RANBP2: variants seen among roughly 807,000 people sequenced by gnomAD.
RANBP2 encodes RAN binding protein 2, also known as E3 SUMO-protein ligase RanBP2.
A neutral mutation model predicts 303.6 loss-of-function variants in RANBP2; 57 were observed. That is an observed-to-expected ratio of 0.19 (90% CI 0.15 to 0.23). RANBP2 has a LOEUF of 0.23. Among genes scored for constraint, RANBP2 ranks in the 10% least tolerant of loss-of-function variants. The pLI is 1.00. For missense variants in RANBP2, 3,138 were observed against 3,780.8 expected (o/e 0.83, Z 4.46); for synonymous variants, 1,167 against 1,301.5 (o/e 0.90, Z 2.23).
chr2:108,782,386 G>A lies in RANBP2; in HGVS notation c.9019G>A (p.Ala3007Thr). Residue 3007 changes from alanine to threonine, a missense_variant, in exon 27 of 29, where the codon GCC becomes ACC. Around this residue, in one of 20 missense-constraint regions of RANBP2, gnomAD observed 204 missense variants for 228.4 expected, o/e 0.89. Transcript: ENST00000283195. ...NVSNNALVWTASDYADGEAKV... is the reference protein window; with the variant it reads ...NVSNNALVWTTSDYADGEAKV... ...TTCAAATAATGCTTTAGTTTGGACT[G>A]CCTCAGATTATGCTGGTGAGTTTTT... 1 of 1,613,950 alleles carries A rather than the reference G, an allele frequency of 6.2e-7. No individual in the cohort carries two copies. Among genetic ancestry groups the A allele is most frequent in the Non-Finnish European group, 8.5e-7 (1 of 1,180,020 alleles).
Position 108,753,011 on chromosome 2 carries a change from A to G in RANBP2, c.1769A>G (p.Asn590Ser), listed in dbSNP as rs1676025870. ...ECLQKTGSGL[N>S]SFYDQREYIG... ...TTTCTTTTTTAGGGCAGCGGTCTTAATTCTTTTTATGATCAACGAGAATAC... is the reference window on the plus strand; with the variant it reads ...TTTCTTTTTTAGGGCAGCGGTCTTAGTTCTTTTTATGATCAACGAGAATAC... The change falls in exon 13 of 29, where the codon AAT becomes AGT. Residue 590 changes from asparagine to serine, a missense_variant. Asn to Ser is a conservative substitution (Grantham distance 46). This residue lies in a region of RANBP2 where 162 missense variants were observed against 286.9 expected (regional missense o/e 0.56). Coordinates refer to ENST00000283195, the MANE Select transcript of RANBP2 (RefSeq NM_006267.5). The G allele has an allele frequency of 6.2e-7, 1 of 1,609,122 alleles. No individual in the cohort carries two copies. Among genetic ancestry groups the G allele is most frequent in the Non-Finnish European group, 8.5e-7 (1 of 1,178,914 alleles).
At chr2:108,871,552 CA>C in the RANBP2 span, among the ~76,000 whole-genome samples, 1 of 151,040 alleles carries the variant, frequency 6.6e-6, no homozygotes, top group Non-Finnish European at 1.5e-5. Flanking sequence ...ACTTTAGCTC[CA>C]AAAAAAATAA....
chr2:109,656,591 C>T, the RANBP2 span, among the ~76,000 whole-genome samples: 230 of 152,298 alleles, frequency 1.5e-3, 3 homozygotes, highest in Non-Finnish European at 4.7e-4. Flanking sequence ...CCACCCTCCT[C>T]GGCCTCCCAA....
the RANBP2 span, among the ~76,000 whole-genome samples, chr2:108,853,967 A>T: frequency 7.1e-5 from 8 of 112,892 alleles, no homozygotes; most frequent in South Asian, 1.2e-3. Flanking sequence ...TATATAATAA[A>T]ATATATATAA....
At chr2:109,335,203 T>C in the RANBP2 span, among the ~76,000 whole-genome samples, 1 of 152,256 alleles carries the variant, frequency 6.6e-6, no homozygotes, top group South Asian at 2.1e-4. Flanking sequence ...TTCCGAGGCC[T>C]ACGCACCTCA....
At chr2:109,318,272 C>T in the RANBP2 span, among the ~76,000 whole-genome samples, 4 of 152,016 alleles carry the variant, frequency 2.6e-5, no homozygotes, top group African/African-American at 9.7e-5. Context: ...CCCAGATGTT[C>T]GGGAGCATTT....
At chr2:109,233,500 G>A in the RANBP2 span, among the ~76,000 whole-genome samples, 1 of 152,224 alleles carries the variant, frequency 6.6e-6, no homozygotes, top group Non-Finnish European at 1.5e-5. Flanking sequence ...ATAGGTACAG[G>A]ATGGGGGTGT....
At chr2:109,666,306 CT>C in the RANBP2 span, among the ~76,000 whole-genome samples, 4 of 151,964 alleles carry the variant, frequency 2.6e-5, no homozygotes, top group Non-Finnish European at 5.9e-5. Flanking sequence ...TGTGGTGCCA[CT>C]TTTTTTGTGA....
At chr2:109,420,691 C>T in the RANBP2 span, among the ~76,000 whole-genome samples, 7 of 152,134 alleles carry the variant, frequency 4.6e-5, no homozygotes, top group Admixed American at 2.6e-4. Flanking sequence ...GTGATCCGCC[C>T]GCCTTGGCCT....
At chr2:108,820,083 A>T in the RANBP2 span, among the ~76,000 whole-genome samples, 20 of 152,212 alleles carry the variant, frequency 1.3e-4, no homozygotes, top group Non-Finnish European at 2.5e-4. Flanking sequence ...TACGCAGAAG[A>T]CATCAACACA....
chr2:109,613,999 G>C, the RANBP2 span: 2 of 1,201,442 alleles, frequency 1.7e-6, no homozygotes, highest in African/African-American at 3.2e-5. Context: ...GGCCTCCGGG[G>C]GCGGGGTTGG....
the RANBP2 span, among the ~76,000 whole-genome samples, chr2:109,220,298 A>G: frequency 6.6e-6 from 1 of 152,246 alleles, no homozygotes; most frequent in South Asian, 2.1e-4. Context: ...AGATCTCAAC[A>G]TAAGAGCTAA....
At chr2:109,474,961 TG>T in the RANBP2 span, among the ~76,000 whole-genome samples, 175 of 152,132 alleles carry the variant, frequency 1.2e-3, no homozygotes, top group East Asian at 4.7e-3. Flanking sequence ...TTGTTTTGTT[TG>T]GGTTTTTTTT....
chr2:109,646,514 T>A, the RANBP2 span, among the ~76,000 whole-genome samples: 1 of 152,022 alleles, frequency 6.6e-6, no homozygotes, highest in Non-Finnish European at 1.5e-5. Flanking sequence ...TTTTTTGAGA[T>A]GGAGTCTTGC....
In RANBP2 at chr2:108,754,973, T is replaced by C; in HGVS notation, c.2271T>C (p.Ser757=). ...NSVMQELEDY[S]EGGPLYKNGS... is the part of the protein sequence containing the mutation. ...TCATGCAGGAACTCGAAGACTATAGTGAAGGAGGTCCTCTCTATAAAAATG... is the reference window on the plus strand; with the variant it reads ...TCATGCAGGAACTCGAAGACTATAGCGAAGGAGGTCCTCTCTATAAAAATG... Residue 757 remains serine (S), a synonymous_variant, in exon 16 of 29, where the codon AGT becomes AGC. Transcript: ENST00000283195. The C allele has an allele frequency of 1.2e-6, 2 of 1,611,866 alleles. No homozygotes were observed. Among genetic ancestry groups the C allele is most frequent in the Non-Finnish European group, 1.7e-6 (2 of 1,179,806 alleles).
At chr2:109,256,309 G>T in the RANBP2 span, among the ~76,000 whole-genome samples, 1 of 152,226 alleles carries the variant, frequency 6.6e-6, no homozygotes, top group Non-Finnish European at 1.5e-5. Flanking sequence ...GGAAGTTGAC[G>T]CTGTGACGTA....
At chr2:109,184,350 G>A in the RANBP2 span, among the ~76,000 whole-genome samples, 1 of 152,198 alleles carries the variant, frequency 6.6e-6, no homozygotes, top group Admixed American at 6.5e-5. Flanking sequence ...ATCGCACAAA[G>A]GCCAGGAGTT....
the RANBP2 span, among the ~76,000 whole-genome samples, chr2:109,377,706 T>G: frequency 3.3e-5 from 5 of 151,902 alleles, no homozygotes; most frequent in Admixed American, 3.3e-4. Flanking sequence ...TTGAGAGTGC[T>G]TATCTTCAGC....
the RANBP2 span, among the ~76,000 whole-genome samples, chr2:108,861,254 T>A: frequency 6.6e-6 from 1 of 151,850 alleles, no homozygotes; most frequent in Non-Finnish European, 1.5e-5. Flanking sequence ...GGTTTATTGA[T>A]CTTGTTTATC....
Sources: allele counts gnomAD v4.1 joint callset (sites outside exome capture counted in the v4.1 genomes callset), GRCh38; gene constraint gnomAD v4.1.1; regional missense constraint gnomAD v4.1.1; transcripts MANE v1.5; gene names NCBI Gene and HGNC (gene_info 2026-07-23, HGNC 2026-07-21).